AFTPH: variants seen among roughly 807,000 people sequenced by gnomAD.
AFTPH encodes aftiphilin.
In AFTPH, 7 loss-of-function variants were observed where a neutral mutation model predicts 72.5. The observed-to-expected ratio is 0.10, with a 90% CI of 0.05 to 0.18. The LOEUF (loss-of-function observed/expected upper bound fraction) is 0.18, where lower values mean the gene tolerates loss of function less well. Ranked by LOEUF, AFTPH falls within the 10% of genes least tolerant of loss-of-function variation. The pLI, the probability that AFTPH is intolerant of heterozygous loss-of-function variation, is 1.00. For synonymous variants in AFTPH, 337 were observed against 370.1 expected (o/e 0.91, Z 1.03); for missense variants, 979 against 1,060.5 (o/e 0.92, Z 1.07).
intron 8 of AFTPH, among the ~76,000 whole-genome samples, chr2:64,588,776 G>C (rs567020019): frequency 5.3e-5 from 8 of 152,222 alleles, no homozygotes; most frequent in African/African-American, 1.9e-4. Flanking sequence ...GTAGAGACAA[G>C]GTCTCAGTAT....
intron 1 of AFTPH, among the ~76,000 whole-genome samples, chr2:64,529,314 A>T (rs1669461516): frequency 9.1e-6 from 1 of 109,418 alleles, no homozygotes. Context: ...TCCTTTTTGA[A>T]GTTTTTTTTT....
At chr2:64,561,431 C>T (rs1449813213) in intron 2 of AFTPH, among the ~76,000 whole-genome samples, 2 of 152,140 alleles carry the variant, frequency 1.3e-5, no homozygotes, top group African/African-American at 4.8e-5. Flanking sequence ...AATCCTAGTG[C>T]TTTGGGAGGC....
chr2:64,584,658 G>A (rs941933169), intron 7 of AFTPH, among the ~76,000 whole-genome samples: 4 of 146,566 alleles, frequency 2.7e-5, no homozygotes, highest in South Asian at 4.3e-4. Flanking sequence ...GTGCAGTGGC[G>A]TGATCTCGGC....
chr2:64,536,969 A>G (rs2103833387), intron 1 of AFTPH, among the ~76,000 whole-genome samples: 1 of 151,150 alleles, frequency 6.6e-6, no homozygotes, highest in East Asian at 1.9e-4. Context: ...AAAAAAAAAA[A>G]AAAAAAGAAG....
Position 64,572,929 on chromosome 2 carries a change from T to C in AFTPH, c.2272-17T>C, listed in dbSNP as rs772390455. On this transcript the variant is annotated splice_polypyrimidine_tract_variant and intron_variant, in intron 5 of 8. Transcript: ENST00000238856. ...GTGCACCCCCATCCCCATTAAAGGC[T>C]AATATTCCTTTTTCAGGGTATGTTA... 1.1e-5 allele frequency: 18 copies of C among 1,613,954 alleles called. No individual in the cohort carries two copies. Among genetic ancestry groups the C allele is most frequent in the Non-Finnish European group, 1.5e-5 (18 of 1,179,874 alleles).
Position 64,567,558 on chromosome 2 carries a change from G to T in AFTPH, c.1936-4G>T. On this transcript the variant is annotated splice_polypyrimidine_tract_variant and splice_region_variant and intron_variant, in intron 2 of 8. Coordinates refer to ENST00000238856, the Ensembl canonical transcript of AFTPH. ...ATAAACTTTTGGGGGGTGTTTTGAT[G>T]CAGACAGCTTTATTAAACCGCCTGG... 1.9e-6 allele frequency: 3 copies of T among 1,596,140 alleles called. No homozygotes were observed. The highest frequency in any genetic ancestry group is 2.6e-6 in the Non-Finnish European group (3 of 1,174,038).
intron 7 of AFTPH, chr2:64,580,299 C>G (rs1320195208): frequency 1.3e-5 from 2 of 152,594 alleles, no homozygotes; most frequent in Non-Finnish European, 2.9e-5. Context: ...GTCTAAACAC[C>G]TATCATTGTC....
At chr2:64,538,214 A>G (rs1188772566) in intron 1 of AFTPH, among the ~76,000 whole-genome samples, 1 of 152,162 alleles carries the variant, frequency 6.6e-6, no homozygotes, top group African/African-American at 2.4e-5. Flanking sequence ...TGACGGGCCA[A>G]TTCTCAAGTT....
intron 8 of AFTPH, among the ~76,000 whole-genome samples, chr2:64,586,783 TTTTTA>T (rs1342066640): frequency 6.6e-6 from 1 of 152,226 alleles, no homozygotes; most frequent in African/African-American, 2.4e-5. Flanking sequence ...TATGTGGCTT[TTTTTA>T]AATTTTTTTC....
exon 2 of AFTPH, chr2:64,552,854 T>C: frequency 6.2e-7 from 1 of 1,614,232 alleles, no homozygotes; most frequent in Non-Finnish European, 8.5e-7. Context: ...GTGATGCCAC[T>C]TTTGAAGAGT....
Position 64,569,534 on chromosome 2 carries a change from T to C in AFTPH, c.2215-89T>C, listed in dbSNP as rs1005078420. The C allele has an allele frequency of 8.5e-6, 12 of 1,417,818 alleles. No homozygotes were observed. In the East Asian group the frequency reaches 1.8e-4, roughly 22 times the overall value. The allele number at this position is 1,417,818 out of a possible 1,614,324, so 87.8% of individuals were successfully genotyped here. On this transcript the variant is annotated intron_variant, in intron 4 of 8. Transcript: ENST00000238856. ...AATTTATCATTCCCAATATATGTAA[T>C]AACACATCTCAAGCATATTTGGAAA...
chr2:64,525,165 CAG>C (rs1669180794), intron 1 of AFTPH, among the ~76,000 whole-genome samples: 1 of 152,212 alleles, frequency 6.6e-6, no homozygotes, highest in Non-Finnish European at 1.5e-5. Flanking sequence ...ATCCCTTCCT[CAG>C]AGTACCTTTT....
chr2:64,560,882 A>C (rs767383050), intron 2 of AFTPH, among the ~76,000 whole-genome samples: 8 of 152,140 alleles, frequency 5.3e-5, no homozygotes, highest in Non-Finnish European at 1.0e-4. Context: ...TGGGGGAGGA[A>C]AAAAAAGAAA....
rs1377329114 is a variant in AFTPH at position 64,566,087 on chromosome 2, C to T, written c.1936-1475C>T. On this transcript the variant is annotated intron_variant, in intron 2 of 8. Transcript: ENST00000238856. ...GTTAGTTTTTTGTTTACCTTCCCTG[C>T]CCAGGAGGAGCCAATCATGTATCCA... Among the ~76,000 whole-genome samples, 4 of 152,178 alleles carry T rather than the reference C, an allele frequency of 2.6e-5. No homozygotes were observed. In the East Asian group the frequency reaches 7.7e-4, roughly 29 times the overall value.
chr2:64,579,416 T>C lies in AFTPH; in HGVS notation c.2395-70T>C. ...GCCTAATGGTCTTGCTATAATTTTT[T>C]TTTTTAAGGATTCTTTACGTTGCTA... On this transcript the variant is annotated intron_variant, in intron 6 of 8. Coordinates refer to ENST00000238856, the Ensembl canonical transcript of AFTPH. The C allele has an allele frequency of 1.6e-6, 2 of 1,289,320 alleles. 1 individual carries two copies. The highest frequency in any genetic ancestry group is 2.7e-5 in the South Asian group (2 of 74,634). 79.9% of individuals were successfully genotyped at this position (1,289,320 alleles called of 1,614,324 possible).
At chr2:64,576,388 T>C (rs993245455) in intron 6 of AFTPH, among the ~76,000 whole-genome samples, 2 of 152,044 alleles carry the variant, frequency 1.3e-5, no homozygotes, top group African/African-American at 4.8e-5. Flanking sequence ...TTGGTACCCA[T>C]TGAGTTTGTT....
chr2:64,552,445 A>G, exon 2 of AFTPH: 1 of 1,614,144 alleles, frequency 6.2e-7, no homozygotes, highest in Non-Finnish European at 8.5e-7. Context: ...CAACAGGATG[A>G]ATTTTTACAG....
intron 8 of AFTPH, among the ~76,000 whole-genome samples, chr2:64,588,547 T>A (rs953875014): frequency 6.6e-6 from 1 of 152,220 alleles, no homozygotes; most frequent in Non-Finnish European, 1.5e-5. Flanking sequence ...ACCAGTAATA[T>A]ACATTCCAAG....
At chr2:64,565,424 G>A (rs933648371) in intron 2 of AFTPH, among the ~76,000 whole-genome samples, 6 of 145,786 alleles carry the variant, frequency 4.1e-5, no homozygotes, top group African/African-American at 1.5e-4. Context: ...GCAGTGAGCC[G>A]AGATTGCACC....
Sources: allele counts gnomAD v4.1 joint callset (sites outside exome capture counted in the v4.1 genomes callset), GRCh38; gene constraint gnomAD v4.1.1; transcripts MANE v1.5; gene names NCBI Gene and HGNC (gene_info 2026-07-23, HGNC 2026-07-21).